CFAP58: variants seen among roughly 807,000 people sequenced by gnomAD.
CFAP58 encodes cilia- and flagella-associated protein 58.
A neutral mutation model predicts 119.5 loss-of-function variants in CFAP58; 88 were observed. That is an observed-to-expected ratio of 0.74 (90% CI 0.62 to 0.88). CFAP58 has a LOEUF of 0.88. Ranked by LOEUF, CFAP58 falls within the 40% of genes least tolerant of loss-of-function variation. CFAP58 has a pLI of 0.00. For missense variants in CFAP58, 990 were observed against 1,021.2 expected (o/e 0.97, Z 0.42); for synonymous variants, 365 against 366.3 (o/e 1.00, Z 0.04).
intron 15 of CFAP58, among the ~76,000 whole-genome samples, chr10:104,426,474 A>G (rs1028012304): frequency 1.8e-5 from 2 of 108,388 alleles, no homozygotes; most frequent in Admixed American, 2.1e-4. Context: ...CACTCCCCCC[A>G]GCTATCCAGG....
intron 9 of CFAP58, among the ~76,000 whole-genome samples, chr10:104,384,630 T>C (rs1343741754): frequency 6.6e-6 from 1 of 152,230 alleles, no homozygotes; most frequent in African/African-American, 2.4e-5. Flanking sequence ...CAACTGACTA[T>C]CAGCGATTTC....
chr10:104,425,290 G>A (rs887802338), intron 15 of CFAP58, among the ~76,000 whole-genome samples: 2 of 152,228 alleles, frequency 1.3e-5, no homozygotes, highest in Non-Finnish European at 2.9e-5. Flanking sequence ...CAGATGAAGA[G>A]TCAATGTTCT....
At chr10:104,367,497 G>A (rs1209410059) in intron 5 of CFAP58, among the ~76,000 whole-genome samples, 1 of 151,988 alleles carries the variant, frequency 6.6e-6, no homozygotes, top group Non-Finnish European at 1.5e-5. Flanking sequence ...ATAATTCACA[G>A]TGTGCCGCCT....
intron 15 of CFAP58, among the ~76,000 whole-genome samples, chr10:104,425,521 C>T (rs1279231753): frequency 1.3e-5 from 2 of 152,198 alleles, no homozygotes; most frequent in Non-Finnish European, 2.9e-5. Context: ...CAGGTCTTAA[C>T]TGCCTATTAT....
chr10:104,349,541 C>T (rs1458838419), upstream of CFAP58, among the ~76,000 whole-genome samples: 4 of 152,120 alleles, frequency 2.6e-5, no homozygotes, highest in African/African-American at 9.7e-5. Context: ...TCTCCAAATA[C>T]CATCACATTC....
chr10:104,382,988 C>G (rs1463939497), intron 9 of CFAP58, among the ~76,000 whole-genome samples: 2 of 152,146 alleles, frequency 1.3e-5, no homozygotes, highest in African/African-American at 4.8e-5. Context: ...TGCCAGCTGC[C>G]CAGGTCCCAC....
intron 15 of CFAP58, among the ~76,000 whole-genome samples, chr10:104,416,609 G>C (rs979895826): frequency 6.6e-5 from 10 of 151,986 alleles, no homozygotes; most frequent in African/African-American, 2.4e-4. Context: ...TCTTTCATAA[G>C]GGCTTTCAAT....
intron 15 of CFAP58, among the ~76,000 whole-genome samples, chr10:104,435,340 C>T (rs938216205): frequency 9.2e-5 from 14 of 152,074 alleles, no homozygotes; most frequent in African/African-American, 2.4e-4. Flanking sequence ...AAATATTAGC[C>T]GGGCATGGTG....
intron 15 of CFAP58, among the ~76,000 whole-genome samples, chr10:104,412,381 A>G (rs1380279186): frequency 6.6e-6 from 1 of 151,988 alleles, no homozygotes; most frequent in East Asian, 1.9e-4. Flanking sequence ...CCAAAGTTTA[A>G]TGTCCTGTCT....
chr10:104,430,317 G>A (rs1378308150), intron 15 of CFAP58, among the ~76,000 whole-genome samples: 6 of 152,298 alleles, frequency 3.9e-5, no homozygotes, highest in African/African-American at 7.2e-5. Flanking sequence ...CATTAAAAAG[G>A]GAGCAGCCCC....
At chr10:104,344,366 G>A in the CFAP58 span, among the ~76,000 whole-genome samples, 3 of 152,186 alleles carry the variant, frequency 2.0e-5, no homozygotes, top group Non-Finnish European at 4.4e-5. Flanking sequence ...TAAATCAGGA[G>A]TTGGCAAACT....
intron 15 of CFAP58, among the ~76,000 whole-genome samples, chr10:104,418,366 G>T (rs11192048): frequency 0.23 from 35,303 of 152,028 alleles, 4,207 homozygotes; most frequent in Non-Finnish European, 0.26. Flanking sequence ...GGCTAACATG[G>T]TGAAACCCCA....
At chr10:104,424,832 A>G (rs1008542135) in intron 15 of CFAP58, among the ~76,000 whole-genome samples, 13 of 152,234 alleles carry the variant, frequency 8.5e-5, no homozygotes, top group African/African-American at 3.1e-4. Context: ...ATGAGTAAGA[A>G]CTGGCTTCCT....
intron 15 of CFAP58, among the ~76,000 whole-genome samples, chr10:104,427,836 T>C (rs1462137467): frequency 6.6e-6 from 1 of 152,072 alleles, no homozygotes; most frequent in Non-Finnish European, 1.5e-5. Context: ...CTGGTGTATA[T>C]GGAGGTGGGG....
chr10:104,433,274 T>C (rs1219282952), intron 15 of CFAP58, among the ~76,000 whole-genome samples: 1 of 152,182 alleles, frequency 6.6e-6, no homozygotes, highest in East Asian at 1.9e-4. Context: ...TTGAATTTTT[T>C]GTAGAATCTT....
intron 17 of CFAP58, among the ~76,000 whole-genome samples, chr10:104,452,372 C>T (rs1228324200): frequency 6.6e-6 from 1 of 152,156 alleles, no homozygotes. Flanking sequence ...AAAGTTCGTA[C>T]ACTCCATTTG....
intron 2 of CFAP58, 34 bp from the exon 3 acceptor site, chr10:104,361,989 G>C (rs745691826): frequency 6.3e-7 from 1 of 1,598,316 alleles, no homozygotes; most frequent in Non-Finnish European, 8.5e-7. Flanking sequence ...AATCCAGTTT[G>C]GTCTTTCTCA....
chr10:104,415,515 C>T lies in CFAP58; in HGVS notation c.2256+8722C>T, dbSNP rs919243319. The stretch of plus-strand genomic sequence containing the variant: ...ACTGAGGGGGATCCCTGGCCTGAGG[C>T]GGAAACGCTGACACCCATGCGCCTG... On this transcript the variant is annotated intron_variant, in intron 15 of 17. Transcript: ENST00000369704. Among the ~76,000 whole-genome samples the T allele has an allele frequency of 3.9e-5, 6 of 152,208 alleles. 1 individual carries two copies. The highest frequency in any genetic ancestry group is 2.6e-4 in the Admixed American group (4 of 15,296).
intron 15 of CFAP58, among the ~76,000 whole-genome samples, chr10:104,409,211 TAATA>T (rs1237905718): frequency 6.6e-6 from 1 of 152,226 alleles, no homozygotes; most frequent in Non-Finnish European, 1.5e-5. Flanking sequence ...CAGTAAGTCT[TAATA>T]AATATTCACT....
Sources: allele counts gnomAD v4.1 joint callset (sites outside exome capture counted in the v4.1 genomes callset), GRCh38; gene constraint gnomAD v4.1.1; transcripts MANE v1.5; gene names NCBI Gene and HGNC (gene_info 2026-07-23, HGNC 2026-07-21).